The following SH2D3C variants were observed in gnomAD, a reference collection of about 807,000 sequenced individuals.
SH2D3C encodes SH2 domain-containing protein 3C.
SH2D3C carries 25 observed loss-of-function variants against 75.2 expected under a neutral mutation model. The observed-to-expected ratio is 0.33, with a 90% CI of 0.24 to 0.46. SH2D3C has a LOEUF of 0.46. Among genes scored for constraint, SH2D3C ranks in the 20% least tolerant of loss-of-function variants. The pLI is 1.00. For synonymous variants in SH2D3C, 450 were observed against 473.7 expected (o/e 0.95, Z 0.65); for missense variants, 933 against 1,165.3 (o/e 0.80, Z 2.90).
At chr9:127,762,520 C>A in intron 2 of SH2D3C, 1 of 444,924 alleles carries the variant, frequency 2.2e-6, no homozygotes, top group Non-Finnish European at 4.6e-6. Context: ...CTCTTTCCTG[C>A]AGCTTTGGCC....
chr9:127,749,471 C>G lies in SH2D3C; in HGVS notation c.879G>C (p.Val293=). The G allele has an allele frequency of 2.5e-6, 4 of 1,614,196 alleles. No individual in the cohort carries two copies. The highest frequency in any genetic ancestry group is 3.4e-6 in the Non-Finnish European group (4 of 1,180,044). The change falls in exon 5 of 12, where the codon GTG becomes GTC. Residue 293 remains valine (V), a synonymous_variant. Coordinates refer to ENST00000314830, the MANE Select transcript of SH2D3C (RefSeq NM_170600.3). The surrounding 1 kb of genome is among the most constrained non-coding windows in gnomAD (Gnocchi z 5.9). ...YLFEQESFDH[V]PALVRYHVGS... is the part of the protein sequence containing the mutation. ...CCACATGATAGCGCACGAGGGCGGG[C>G]ACGTGGTCAAAGCTCTCCTGCTCAA...
chr9:127,771,513 G>A (rs993994244), intron 2 of SH2D3C: 22 of 535,828 alleles, frequency 4.1e-5, no homozygotes, highest in African/African-American at 9.9e-5. Flanking sequence ...TCGCCCCCTA[G>A]CACACCCCTC....
Position 127,761,519 on chromosome 9 carries a change from C to T in SH2D3C, c.555+92G>A, listed in dbSNP as rs1845524195. 9.0e-6 allele frequency: 8 copies of T among 893,820 alleles called. No homozygotes were observed. The South Asian group carries it at 1.2e-4, about 13-fold the overall frequency. 55.4% of individuals were successfully genotyped at this position (893,820 alleles called of 1,614,324 possible). A position where few individuals can be genotyped will look rare whatever the true frequency, so the allele number is the denominator to read the frequency against. ...ATACACAGTGAGGTCTGGCTCCTAA[C>T]AAGGCTTGAGGAAGGGCTCTGCCCA... On this transcript the variant is annotated intron_variant, in intron 3 of 11. Coordinates refer to ENST00000314830, the MANE Select transcript of SH2D3C (RefSeq NM_170600.3).
chr9:127,742,107 G>C lies in SH2D3C; in HGVS notation c.1917-148C>G, dbSNP rs1001196144. On this transcript the variant is annotated intron_variant, in intron 8 of 11. Transcript: ENST00000314830. ...AGGGTCAATGGGATAAGGGGGCGCG[G>C]CCAGAGCGTGGAAAGCAAGGCCTCG... 14 of 716,564 alleles carry C rather than the reference G, an allele frequency of 2.0e-5. No homozygotes were observed. In the East Asian group the frequency reaches 2.0e-4, roughly 10 times the overall value. 44.4% of individuals were successfully genotyped at this position (716,564 alleles called of 1,614,324 possible). A position where few individuals can be genotyped will look rare whatever the true frequency, so the allele number is the denominator to read the frequency against.
chr9:127,741,959 C>T lies in SH2D3C; in HGVS notation c.1917G>A (p.Arg639=). 1 of 1,608,790 alleles carries T rather than the reference C, an allele frequency of 6.2e-7. No individual in the cohort carries two copies. Among genetic ancestry groups the T allele is most frequent in the Non-Finnish European group, 8.5e-7 (1 of 1,177,662 alleles). Residue 639 remains arginine (R), a splice_region_variant and synonymous_variant, in exon 9 of 12, where the codon AGG becomes AGA. Transcript: ENST00000314830. The part of the protein sequence containing the change: ...GRQLRLDLLE[R]FHTMSIMLAV... ...CCAGCATGATGGACATGGTGTGGAA[C>T]CTGTCAGAGCGGCGGGGTCAGAGGC... is the stretch of plus-strand genomic sequence containing the variant.
rs1441529037 is a variant in SH2D3C, at chr9:127,754,843, T to C, written c.556-3543A>G. ...GAGGAGGCAGAAACGGACCGGCATC[T>C]ACCGCAGCCCAGAGTCCCAGGAGTG... On this transcript the variant is annotated intron_variant, in intron 3 of 11. Transcript: ENST00000314830. The surrounding 1 kb of genome is among the most constrained non-coding windows in gnomAD (Gnocchi z 4.4). 6.1e-6 allele frequency: 3 copies of C among 495,014 alleles called. No individual in the cohort carries two copies. The highest frequency in any genetic ancestry group is 6.0e-5 in the African/African-American group (3 of 50,390). 30.7% of individuals were successfully genotyped at this position (495,014 alleles called of 1,614,324 possible). A position where few individuals can be genotyped will look rare whatever the true frequency, so the allele number is the denominator to read the frequency against.
rs1178145165 is a variant in SH2D3C, at chr9:127,738,639, G to A, written c.*107C>T. ...AAGGGAGATGCTTGAGTTGAACCCAGAACATTCTCGGGTTGATCACAGTGT... is the reference window on the plus strand; with the variant it reads ...AAGGGAGATGCTTGAGTTGAACCCAAAACATTCTCGGGTTGATCACAGTGT... On this transcript the variant is annotated 3_prime_UTR_variant, in exon 12 of 12. Coordinates refer to ENST00000314830, the MANE Select transcript of SH2D3C (RefSeq NM_170600.3). The surrounding 1 kb of genome is among the most constrained non-coding windows in gnomAD (Gnocchi z 5.0). 6 of 1,246,190 alleles carry A rather than the reference G, an allele frequency of 4.8e-6. No individual in the cohort carries two copies. Among genetic ancestry groups the A allele is most frequent in the Non-Finnish European group, 6.5e-6 (6 of 925,554 alleles). 77.2% of individuals were successfully genotyped at this position (1,246,190 alleles called of 1,614,324 possible).
rs536578808 is a variant in SH2D3C at position 127,774,404 on chromosome 9, C to A, written c.101G>T (p.Arg34Leu). The A allele has an allele frequency of 1.2e-6, 2 of 1,613,690 alleles. No individual in the cohort carries two copies. The highest frequency in any genetic ancestry group is 2.2e-5 in the East Asian group (1 of 44,888). ...CTGCCTACTGATGGAAGCTGAGGAT[C>A]GTCTCAGAGTGAAGGACCGAGGGAG... The part of the protein sequence containing the change: ...SNLPRSFTLR[R>L]SSASISRQSH... Residue 34 changes from arginine to leucine, a missense_variant, in exon 2 of 12, where the codon CGA becomes CTA. Coordinates refer to ENST00000314830, the MANE Select transcript of SH2D3C (RefSeq NM_170600.3). The surrounding 1 kb of genome is among the most constrained non-coding windows in gnomAD (Gnocchi z 4.3).
chr9:127,754,858 T>A lies in SH2D3C; in HGVS notation c.556-3558A>T, dbSNP rs1269671378. The A allele has an allele frequency of 4.0e-6, 2 of 499,162 alleles. No individual in the cohort carries two copies. Among genetic ancestry groups the A allele is most frequent in the Non-Finnish European group, 8.1e-6 (2 of 246,070 alleles). The allele number at this position is 499,162 out of a possible 1,614,324, so 30.9% of individuals were successfully genotyped here. On this transcript the variant is annotated intron_variant, in intron 3 of 11. Transcript: ENST00000314830. The surrounding 1 kb of genome is among the most constrained non-coding windows in gnomAD (Gnocchi z 4.4). ...GACCGGCATCTACCGCAGCCCAGAG[T>A]CCCAGGAGTGGCCGCCGAACCCTCA...
intron 2 of SH2D3C, 132 bp from the exon 3 acceptor site, chr9:127,761,782 G>A: frequency 1.5e-6 from 1 of 659,432 alleles, no homozygotes; most frequent in East Asian, 3.0e-5. Flanking sequence ...GGCAGGAGGG[G>A]GCACTTATCA....
Position 127,739,867 on chromosome 9 carries a change from G to A in SH2D3C, c.2222C>T (p.Thr741Ile), listed in dbSNP as rs890301085. ...GAGGGGCAGCACATGAGGAAACGTG[G>A]TGTTGCTCAGCGGCGGGCCTTCTGC... is the stretch of plus-strand genomic sequence containing the variant. ...EGKEGPPLSN[T>I]TFPHVLPLIT... is the part of the protein sequence containing the mutation. The change falls in exon 11 of 12, where the codon ACC becomes ATC. Residue 741 changes from threonine to isoleucine, a missense_variant. Coordinates refer to ENST00000314830, the MANE Select transcript of SH2D3C (RefSeq NM_170600.3). The surrounding 1 kb of genome is among the most constrained non-coding windows in gnomAD (Gnocchi z 4.3). 5.2e-6 allele frequency: 8 copies of A among 1,549,206 alleles called. No individual in the cohort carries two copies. The highest frequency in any genetic ancestry group is 7.0e-6 in the Non-Finnish European group (8 of 1,142,580).
chr9:127,771,242 G>C (rs1052825986), intron 2 of SH2D3C: 2 of 1,543,608 alleles, frequency 1.3e-6, no homozygotes, highest in Non-Finnish European at 1.7e-6. Flanking sequence ...TTCCCCCGCT[G>C]TCGCCGCCGG....
chr9:127,740,461 C>T (rs912007914), intron 9 of SH2D3C, 92 bp from the exon 10 acceptor site: 13 of 804,036 alleles, frequency 1.6e-5, no homozygotes, highest in African/African-American at 1.4e-4. Context: ...GATGTGGGAT[C>T]GTTATTATTA....
Position 127,774,569 on chromosome 9 carries a change from G to A in SH2D3C, c.38-102C>T, listed in dbSNP as rs1845783143. 3 of 685,524 alleles carry A rather than the reference G, an allele frequency of 4.4e-6. No individual in the cohort carries two copies. Among genetic ancestry groups the A allele is most frequent in the Non-Finnish European group, 7.7e-6 (3 of 391,310 alleles). The allele number at this position is 685,524 out of a possible 1,614,324, so 42.5% of individuals were successfully genotyped here. On this transcript the variant is annotated intron_variant, in intron 1 of 11. Transcript: ENST00000314830. The surrounding 1 kb of genome is among the most constrained non-coding windows in gnomAD (Gnocchi z 4.3). ...TTTCACTCGGTGAGGGGCTGAAGAG[G>A]GCTGGCGGTTTCCCAGACACCCCTT...
intron 2 of SH2D3C, among the ~76,000 whole-genome samples, chr9:127,768,833 C>A (rs1845682758): frequency 6.6e-6 from 1 of 152,046 alleles, no homozygotes; most frequent in Non-Finnish European, 1.5e-5. Context: ...CTACTGTTCC[C>A]CAAACATGCC....
chr9:127,754,796 C>T lies in SH2D3C; in HGVS notation c.556-3496G>A. On this transcript the variant is annotated intron_variant, in intron 3 of 11. Transcript: ENST00000314830. This position sits in a 1 kb window ranked among gnomAD's most constrained non-coding sequence, Gnocchi z 4.4. ...AGACCCCATCTCCCAGTCCCCCCTG[C>T]CCCAGCTCTCTCCCTCCTGCGGAGG... 1 of 480,598 alleles carries T rather than the reference C, an allele frequency of 2.1e-6. No individual in the cohort carries two copies. The highest frequency in any genetic ancestry group is 1.5e-5 in the South Asian group (1 of 64,542). The allele number at this position is 480,598 out of a possible 1,614,324, so 29.8% of individuals were successfully genotyped here.
intron 2 of SH2D3C, among the ~76,000 whole-genome samples, chr9:127,766,728 C>A (rs530016458): frequency 7.0e-4 from 107 of 152,278 alleles, no homozygotes; most frequent in African/African-American, 2.5e-3. Context: ...CGCCACCACG[C>A]CCGGCTAGTT....
Position 127,751,450 on chromosome 9 carries a change from GA to G in SH2D3C, c.556-151del, listed in dbSNP as rs1279733620. The stretch of plus-strand genomic sequence containing the variant: ...GCCAGACCCTTTCCCATGGGTCCCA[GA>G]AAGAGTAAAGAAATCTCAATTCCTT... On this transcript the variant is annotated intron_variant, in intron 3 of 11. Coordinates refer to ENST00000314830, the MANE Select transcript of SH2D3C (RefSeq NM_170600.3). This position sits in a 1 kb window ranked among gnomAD's most constrained non-coding sequence, Gnocchi z 4.1. 4.0e-6 allele frequency: 3 copies of G among 746,730 alleles called. No homozygotes were observed. The highest frequency in any genetic ancestry group is 6.7e-6 in the Non-Finnish European group (3 of 447,920). The allele number at this position is 746,730 out of a possible 1,614,324, so 46.3% of individuals were successfully genotyped here. A position where few individuals can be genotyped will look rare whatever the true frequency, so the allele number is the denominator to read the frequency against.
intron 2 of SH2D3C, among the ~76,000 whole-genome samples, chr9:127,766,042 CT>C (rs750917530): frequency 1.8e-4 from 28 of 152,316 alleles, no homozygotes; most frequent in Non-Finnish European, 3.8e-4. Flanking sequence ...GCCCATTATC[CT>C]TATTTTCCCA....
Sources: gnomAD v4.1 joint callset for allele counts (sites outside exome capture counted in the v4.1 genomes callset) on GRCh38, gnomAD v4.1.1 for gene constraint, Gnocchi (gnomAD v3.1) non-coding constraint, MANE v1.5 for transcripts, NCBI Gene and HGNC (gene_info 2026-07-23, HGNC 2026-07-21) for gene names.